ZNF407: variants seen among roughly 807,000 people sequenced by gnomAD.
ZNF407 encodes the protein zinc finger protein 407.
A neutral mutation model predicts 131.2 loss-of-function variants in ZNF407; 17 were observed. The ratio of observed to expected loss-of-function variants is 0.13; its 90% CI spans 0.09 to 0.19. The LOEUF (loss-of-function observed/expected upper bound fraction) is 0.19. ZNF407 is among the 10% of genes least tolerant of loss of function. The pLI is 1.00. For synonymous variants in ZNF407, 1,156 were observed against 1,062.0 expected (o/e 1.09, Z -1.72); for missense variants, 2,681 against 2,830.6 (o/e 0.95, Z 1.20).
chr18:74,634,675 T>C lies in ZNF407; in HGVS notation c.3656T>C (p.Ile1219Thr). Residue 1219 changes from isoleucine to threonine, a missense_variant, in exon 2 of 9, where the codon ATA (isoleucine) becomes ACA (threonine). By Grantham distance (89) the Ile-to-Thr change is moderately conservative (BLOSUM62 -1). Around this residue, in one of 6 missense-constraint regions of ZNF407, gnomAD observed 1,789 missense variants for 1,748.7 expected, o/e 1.02. Coordinates refer to ENST00000299687, the MANE Select transcript of ZNF407 (RefSeq NM_017757.3). ...GAGACAGCAAAGAAAAACCATGAGA[T>C]ATCGAATGATGCAGGTGAGCTGCGT... ...NCETAKKNHE[I>T]SNDAGELRVH... 6.2e-7 allele frequency: 1 copy of C among 1,613,966 alleles called. No individual in the cohort carries two copies. The highest frequency in any genetic ancestry group is 8.5e-7 in the Non-Finnish European group (1 of 1,179,886).
chr18:74,858,847 C>T (rs1298224859), intron 4 of ZNF407, among the ~76,000 whole-genome samples: 1 of 151,820 alleles, frequency 6.6e-6, no homozygotes, highest in Non-Finnish European at 1.5e-5. Context: ...TAAAGGAGAT[C>T]AGGAAAGGAC....
At chr18:75,014,438 A>G (rs1973019210) in intron 8 of ZNF407, among the ~76,000 whole-genome samples, 1 of 151,760 alleles carries the variant, frequency 6.6e-6, no homozygotes, top group Admixed American at 6.6e-5. Context: ...AGGTCAAGCC[A>G]TTTTCCTCTT....
intron 8 of ZNF407, among the ~76,000 whole-genome samples, chr18:75,025,959 T>C (rs1234490558): frequency 2.0e-5 from 3 of 152,220 alleles, no homozygotes; most frequent in Non-Finnish European, 4.4e-5. Flanking sequence ...AGGTTTTCAG[T>C]TTGTTATAAA....
intron 3 of ZNF407, among the ~76,000 whole-genome samples, chr18:74,761,407 C>T (rs1308435801): frequency 2.0e-5 from 3 of 151,806 alleles, no homozygotes; most frequent in Non-Finnish European, 2.9e-5. Flanking sequence ...TATATTAGCC[C>T]TTTTCTATAT....
At chr18:74,621,564 G>T (rs1197458459) in intron 1 of ZNF407, among the ~76,000 whole-genome samples, 1 of 151,996 alleles carries the variant, frequency 6.6e-6, no homozygotes, top group South Asian at 2.1e-4. Flanking sequence ...TCCCCCATGG[G>T]CCTCCCCACA....
Position 74,632,885 on chromosome 18 carries a change from G to A in ZNF407, c.1866G>A (p.Leu622=). ...NMHFLCTPCN[L]FFLSEKDVEE... ...ATTTTCTTTGCACCCCTTGTAATCT[G>A]TTCTTTTTGTCTGAAAAAGATGTGG... The change falls in exon 2 of 9, where the codon CTG becomes CTA. Residue 622 remains leucine (L), a synonymous_variant. Coordinates refer to ENST00000299687, the MANE Select transcript of ZNF407 (RefSeq NM_017757.3). The A allele has an allele frequency of 1.2e-6, 2 of 1,613,406 alleles. No homozygotes were observed. The highest frequency in any genetic ancestry group is 1.3e-5 in the African/African-American group (1 of 75,030).
Position 74,703,363 on chromosome 18 carries a change from G to GTCTC in ZNF407, c.4802+62253_4802+62256dup, listed in dbSNP as rs150401614. ...TCTCCCCATGTGTGTCTCTGTCTCT[G>GTCTC]TCTCTCTCTCTCTCTTTTCTGAGAT... On this transcript the variant is annotated intron_variant, in intron 3 of 8. Coordinates refer to ENST00000299687, the MANE Select transcript of ZNF407 (RefSeq NM_017757.3). The surrounding 1 kb of genome is among the most constrained non-coding windows in gnomAD (Gnocchi z 4.1). 6.6e-6 allele frequency among the ~76,000 whole-genome samples: 1 copy of GTCTC among 151,342 alleles called. No individual in the cohort carries two copies. Among genetic ancestry groups the GTCTC allele is most frequent in the African/African-American group, 2.4e-5 (1 of 41,214 alleles).
chr18:74,745,503 C>T (rs763659528), intron 3 of ZNF407, among the ~76,000 whole-genome samples: 1 of 152,076 alleles, frequency 6.6e-6, no homozygotes, highest in Admixed American at 6.6e-5. Context: ...CTATTCTTGC[C>T]TTCTTTATAA....
chr18:74,908,217 A>G (rs1253994690), intron 7 of ZNF407, among the ~76,000 whole-genome samples: 1 of 152,114 alleles, frequency 6.6e-6, no homozygotes, highest in Non-Finnish European at 1.5e-5. Context: ...TTCATGAGGC[A>G]TATTTTCCTA....
intron 3 of ZNF407, among the ~76,000 whole-genome samples, chr18:74,689,749 A>G (rs1362880710): frequency 6.6e-6 from 1 of 152,228 alleles, no homozygotes; most frequent in Non-Finnish European, 1.5e-5. Context: ...AATGTCTTAC[A>G]AAGGAAGCAT....
chr18:74,656,723 G>A (rs1985474663), intron 3 of ZNF407, among the ~76,000 whole-genome samples: 1 of 152,110 alleles, frequency 6.6e-6, no homozygotes, highest in Non-Finnish European at 1.5e-5. Context: ...CCACAGAAAG[G>A]GAAGCAGAGA....
intron 4 of ZNF407, among the ~76,000 whole-genome samples, chr18:74,802,585 T>G (rs1599164702): frequency 6.6e-6 from 1 of 152,202 alleles, no homozygotes; most frequent in Non-Finnish European, 1.5e-5. Flanking sequence ...AATTTCTAAT[T>G]TGCTTTGCTT....
At chr18:74,973,756 G>A (rs1328531141) in intron 8 of ZNF407, among the ~76,000 whole-genome samples, 2 of 152,186 alleles carry the variant, frequency 1.3e-5, no homozygotes, top group East Asian at 3.8e-4. Context: ...TCACTAGGAT[G>A]GAACAGTTCC....
At chr18:74,681,530 A>C (rs1966982704) in intron 3 of ZNF407, among the ~76,000 whole-genome samples, 1 of 152,186 alleles carries the variant, frequency 6.6e-6, no homozygotes, top group African/African-American at 2.4e-5. Context: ...GGCTTGAGCC[A>C]TCGCGCCTGG....
intron 3 of ZNF407, among the ~76,000 whole-genome samples, chr18:74,719,960 G>A (rs924789745): frequency 6.6e-6 from 1 of 152,150 alleles, no homozygotes; most frequent in Admixed American, 6.5e-5. Flanking sequence ...TAAACATGGC[G>A]GTGCTGATGT....
chr18:75,003,672 A>G (rs1972873928), intron 8 of ZNF407, among the ~76,000 whole-genome samples: 1 of 152,232 alleles, frequency 6.6e-6, no homozygotes, highest in Admixed American at 6.5e-5. Context: ...AGGAGGTCAC[A>G]TAATACATTT....
intron 8 of ZNF407, among the ~76,000 whole-genome samples, chr18:74,940,987 A>G (rs1599255447): frequency 6.6e-6 from 1 of 152,190 alleles, no homozygotes; most frequent in Non-Finnish European, 1.5e-5. Flanking sequence ...GCTTACACAG[A>G]CATCCCCTTT....
intron 8 of ZNF407, among the ~76,000 whole-genome samples, chr18:75,045,458 C>T (rs996906994): frequency 6.6e-6 from 1 of 152,174 alleles, no homozygotes; most frequent in Non-Finnish European, 1.5e-5. Flanking sequence ...CCACTGCCTG[C>T]AAACAGTGGA....
At chr18:74,970,677 C>G (rs1002396187) in intron 8 of ZNF407, among the ~76,000 whole-genome samples, 13 of 152,212 alleles carry the variant, frequency 8.5e-5, no homozygotes, top group African/African-American at 2.9e-4. Context: ...GTATAGCCCC[C>G]CTCCTGGCTG....
Sources: allele counts gnomAD v4.1 joint callset (sites outside exome capture counted in the v4.1 genomes callset), GRCh38; gene constraint gnomAD v4.1.1; regional missense constraint gnomAD v4.1.1; non-coding constraint Gnocchi (gnomAD v3.1); transcripts MANE v1.5; gene names NCBI Gene and HGNC (gene_info 2026-07-23, HGNC 2026-07-21).